AFG2A: variants seen among roughly 807,000 people sequenced by gnomAD.
AFG2A encodes ATPase family gene 2 protein homolog A.
chr4:123,055,567 T>C, the AFG2A span, among the ~76,000 whole-genome samples: 1 of 152,212 alleles, frequency 6.6e-6, no homozygotes, highest in Admixed American at 6.5e-5. Context: ...AAAATTAATA[T>C]AAATTGTTTA....
the AFG2A span, chr4:123,255,866 G>C: frequency 1.5e-5 from 14 of 930,424 alleles, no homozygotes; most frequent in South Asian, 2.3e-4. Flanking sequence ...CGGTGACATA[G>C]ATTATGGAAT....
At chr4:123,236,589 A>C in the AFG2A span, among the ~76,000 whole-genome samples, 20 of 152,358 alleles carry the variant, frequency 1.3e-4, no homozygotes, top group African/African-American at 4.3e-4. Flanking sequence ...TGCATCTCAT[A>C]GCAAAGACAT....
chr4:123,303,554 C>T, the AFG2A span, among the ~76,000 whole-genome samples: 1 of 152,090 alleles, frequency 6.6e-6, no homozygotes, highest in Non-Finnish European at 1.5e-5. Flanking sequence ...CACTTGAGGC[C>T]AGGAGTTAGA....
the AFG2A span, chr4:122,927,537 G>C: frequency 2.5e-6 from 3 of 1,220,556 alleles, no homozygotes; most frequent in Non-Finnish European, 3.4e-6. Flanking sequence ...ACATTCATGT[G>C]GTTATATGGT....
the AFG2A span, among the ~76,000 whole-genome samples, chr4:123,123,726 T>TCA: frequency 6.6e-6 from 1 of 151,158 alleles, no homozygotes; most frequent in African/African-American, 2.4e-5. Context: ...GACGGGTGGA[T>TCA]CACGAGGTCA....
chr4:123,315,384 C>T, the AFG2A span: 4 of 102,580 alleles, frequency 3.9e-5, no homozygotes, highest in Non-Finnish European at 8.4e-5. Context: ...TTATTAGAGA[C>T]AGGGTTTCAC....
chr4:123,015,890 C>T, the AFG2A span, among the ~76,000 whole-genome samples: 2 of 39,700 alleles, frequency 5.0e-5, no homozygotes, highest in African/African-American at 1.2e-4. Context: ...CCGGACGGGG[C>T]GGCTGGCCGG....
At chr4:123,220,633 A>AAAAAAAC in the AFG2A span, among the ~76,000 whole-genome samples, 3 of 147,782 alleles carry the variant, frequency 2.0e-5, no homozygotes, top group African/African-American at 8.0e-5. Context: ...AAAAAAAAAA[A>AAAAAAAC]AAAACCTGGA....
At chr4:123,000,985 T>C in the AFG2A span, among the ~76,000 whole-genome samples, 15 of 125,134 alleles carry the variant, frequency 1.2e-4, no homozygotes, top group African/African-American at 3.8e-4. Context: ...TTTCAGATCC[T>C]GTTATTGGTC....
the AFG2A span, among the ~76,000 whole-genome samples, chr4:123,210,883 T>G: frequency 6.6e-6 from 1 of 152,118 alleles, no homozygotes; most frequent in Non-Finnish European, 1.5e-5. Context: ...ACTTAATTTT[T>G]TTTTCCTGTT....
chr4:122,925,468 G>T, the AFG2A span, among the ~76,000 whole-genome samples: 1 of 152,110 alleles, frequency 6.6e-6, no homozygotes, highest in African/African-American at 2.4e-5. Flanking sequence ...GTCCTGGGTG[G>T]TCTTGACCTT....
chr4:123,171,018 G>A, the AFG2A span, among the ~76,000 whole-genome samples: 5 of 152,112 alleles, frequency 3.3e-5, no homozygotes, highest in Non-Finnish European at 7.4e-5. Context: ...TACTTAGTGA[G>A]TAAGTATTAG....
the AFG2A span, chr4:122,923,142 C>A: frequency 1.2e-5 from 19 of 1,614,040 alleles, no homozygotes; most frequent in Non-Finnish European, 1.6e-5. Flanking sequence ...ACCTTGTGAC[C>A]ATGTCTTCCA....
the AFG2A span, among the ~76,000 whole-genome samples, chr4:123,020,501 G>A: frequency 4.4e-4 from 67 of 151,552 alleles, no homozygotes; most frequent in Non-Finnish European, 8.0e-4. Flanking sequence ...CCCGAGTAGC[G>A]GAGTTTCCAG....
the AFG2A span, among the ~76,000 whole-genome samples, chr4:123,185,325 A>G: frequency 2.0e-5 from 3 of 152,212 alleles, no homozygotes; most frequent in South Asian, 2.1e-4. Flanking sequence ...TCAAAGGTTC[A>G]TAACATCAAA....
chr4:123,231,001 T>G, the AFG2A span, among the ~76,000 whole-genome samples: 1 of 151,986 alleles, frequency 6.6e-6, no homozygotes, highest in Non-Finnish European at 1.5e-5. Context: ...GTTCCATTTA[T>G]AGAGACAGGA....
the AFG2A span, among the ~76,000 whole-genome samples, chr4:123,018,360 A>G: frequency 6.6e-6 from 1 of 152,196 alleles, no homozygotes; most frequent in Non-Finnish European, 1.5e-5. Context: ...TTTAGACTAT[A>G]TTGTAGGAAT....
the AFG2A span, among the ~76,000 whole-genome samples, chr4:123,122,302 A>G: frequency 2.0e-5 from 3 of 152,224 alleles, no homozygotes; most frequent in Non-Finnish European, 4.4e-5. Context: ...AGTTGAAAAT[A>G]TCATAAGTCA....
chr4:123,297,309 T>C, the AFG2A span, among the ~76,000 whole-genome samples: 1 of 152,212 alleles, frequency 6.6e-6, no homozygotes, highest in Non-Finnish European at 1.5e-5. Context: ...AAGAAGTTCA[T>C]TGGTGGCCCT....
Sources: gnomAD v4.1 joint callset for allele counts (sites outside exome capture counted in the v4.1 genomes callset) on GRCh38, gnomAD v4.1.1 for gene constraint, MANE v1.5 for transcripts, NCBI Gene and HGNC (gene_info 2026-07-23, HGNC 2026-07-21) for gene names.